SENP5: variants seen among roughly 807,000 people sequenced by gnomAD.
SENP5 encodes SUMO specific peptidase 5.
In SENP5, 21 loss-of-function variants were observed where a neutral mutation model predicts 74.2. The observed-to-expected ratio is 0.28, with a 90% CI of 0.20 to 0.41. SENP5 has a LOEUF of 0.41. Ranked by LOEUF, SENP5 falls within the 10% of genes least tolerant of loss-of-function variation. The pLI is 1.00. For missense variants in SENP5, 717 were observed against 889.1 expected, an observed-to-expected ratio of 0.81 and a Z score of 2.46; for synonymous variants, 311 against 312.7, an observed-to-expected ratio of 0.99 and a Z score of 0.06.
chr3:196,914,586 A>AAAAT, intron 6 of SENP5: 478 of 33,416 alleles, frequency 0.014, 9 homozygotes, highest in Middle Eastern at 0.018. Flanking sequence ...AAAAAAAAAA[A>AAAAT]ATATATATAT....
chr3:196,914,586 A>AAAAAAAAAAAATAT, intron 6 of SENP5: 1 of 33,500 alleles, frequency 3.0e-5, no homozygotes, highest in Non-Finnish European at 5.1e-5. Flanking sequence ...AAAAAAAAAA[A>AAAAAAAAAAAATAT]ATATATATAT....
At chr3:196,912,203 A>C (rs1198606249) in intron 6 of SENP5, among the ~76,000 whole-genome samples, 1 of 152,340 alleles carries the variant, frequency 6.6e-6, no homozygotes, top group Admixed American at 6.5e-5. Flanking sequence ...CTACATAAAG[A>C]GAATGTGGTA....
At chr3:196,889,684 A>G (rs1389094545) in intron 2 of SENP5, among the ~76,000 whole-genome samples, 2 of 152,212 alleles carry the variant, frequency 1.3e-5, no homozygotes, top group African/African-American at 4.8e-5. Context: ...GAAATTATGA[A>G]AAAATATTAA....
rs755899942 is a variant in SENP5, at chr3:196,885,856, A to C, written c.675A>C (p.Ile225=). ...TCCAACTTAACCAACATAGAAGGAT[A>C]AAATTATCTCCTCTTATGATGTATG... ...KKFQLNQHRR[I]KLSPLMMYEK... Residue 225 remains isoleucine, a synonymous_variant, in exon 2 of 10, where the codon ATA becomes ATC. Transcript: ENST00000323460. The C allele has an allele frequency of 6.2e-7, 1 of 1,614,098 alleles. No homozygotes were observed. The highest frequency in any genetic ancestry group is 8.5e-7 in the Non-Finnish European group (1 of 1,180,010).
chr3:196,918,235 A>G (rs1353531803), intron 6 of SENP5, among the ~76,000 whole-genome samples: 1 of 151,176 alleles, frequency 6.6e-6, no homozygotes, highest in Non-Finnish European at 1.5e-5. Context: ...TGAACCTGGG[A>G]GGCGGAGCTT....
chr3:196,890,838 C>T (rs1486558263), intron 2 of SENP5, among the ~76,000 whole-genome samples: 6 of 152,156 alleles, frequency 3.9e-5, no homozygotes, highest in Non-Finnish European at 7.3e-5. Flanking sequence ...TACACAAACT[C>T]ACACTAAATT....
intron 6 of SENP5, among the ~76,000 whole-genome samples, chr3:196,903,933 C>G (rs1714801267): frequency 6.6e-6 from 1 of 152,208 alleles, no homozygotes; most frequent in Admixed American, 6.5e-5. Flanking sequence ...CACCTGTTGT[C>G]CCAGCTACTT....
intron 6 of SENP5, among the ~76,000 whole-genome samples, chr3:196,922,584 G>T (rs1031375475): frequency 6.6e-6 from 1 of 152,094 alleles, no homozygotes; most frequent in African/African-American, 2.4e-5. Context: ...AAGTAGCTGG[G>T]ACTGCAGGCA....
intron 6 of SENP5, among the ~76,000 whole-genome samples, chr3:196,904,036 T>C (rs748359972): frequency 1.3e-5 from 2 of 152,232 alleles, no homozygotes; most frequent in Admixed American, 1.3e-4. Flanking sequence ...TGTTAACTGA[T>C]CCATCAGGAG....
chr3:196,886,663 GGAT>G lies in SENP5; in HGVS notation c.1488_1490del (p.Asp496del). ...AGAACAGTCAGAAAGCCTCTCCAGT[GGAT>G]GATGAACAGCTGTCAGTCTGTCTTT... On this transcript the variant is annotated inframe_deletion, in exon 2 of 10. Transcript: ENST00000323460. The G allele has an allele frequency of 6.3e-7, 1 of 1,581,896 alleles. No homozygotes were observed. Among genetic ancestry groups the G allele is most frequent in the Non-Finnish European group, 8.6e-7 (1 of 1,166,784 alleles).
rs1716166577 is a variant in SENP5, at chr3:196,934,414, G to C, written c.*3491G>C. ...ATTAATAGTGTGAATTAGATACACTGATGACCTGCTCTGCCTAGTTAAGAA... is the reference window on the plus strand; with the variant it reads ...ATTAATAGTGTGAATTAGATACACTCATGACCTGCTCTGCCTAGTTAAGAA... On this transcript the variant is annotated 3_prime_UTR_variant, in exon 10 of 10. Coordinates refer to ENST00000323460, the MANE Select transcript of SENP5 (RefSeq NM_152699.5). 6.6e-6 allele frequency: 1 copy of C among 152,228 alleles called. No individual in the cohort carries two copies. Among genetic ancestry groups the C allele is most frequent in the East Asian group, 1.9e-4 (1 of 5,202 alleles). 9.4% of individuals were successfully genotyped at this position (152,228 alleles called of 1,614,324 possible). A position where few individuals can be genotyped will look rare whatever the true frequency, so the allele number is the denominator to read the frequency against.
rs777239663 is a variant in SENP5 at position 196,930,875 on chromosome 3, G to A, written c.2220G>A (p.Val740=). 9 of 1,614,114 alleles carry A rather than the reference G, an allele frequency of 5.6e-6. No homozygotes were observed. Among genetic ancestry groups the A allele is most frequent in the South Asian group, 1.1e-5 (1 of 91,082 alleles). ...FQFSQEDMPR[V]RKRIYKELCE... is the part of the protein sequence containing the mutation. ...TTTCACAAGAAGACATGCCCCGAGT[G>A]CGGAAGAGGATTTACAAGGAGCTAT... is the stretch of plus-strand genomic sequence containing the variant. Residue 740 remains valine (V), a synonymous_variant, in exon 10 of 10, where the codon GTG becomes GTA. Coordinates refer to ENST00000323460, the MANE Select transcript of SENP5 (RefSeq NM_152699.5).
chr3:196,907,996 G>A (rs184883058), intron 6 of SENP5, among the ~76,000 whole-genome samples: 84 of 152,258 alleles, frequency 5.5e-4, no homozygotes, highest in African/African-American at 1.3e-3. Context: ...GAGGCTGGGC[G>A]CTGTGTCTCA....
intron 6 of SENP5, among the ~76,000 whole-genome samples, chr3:196,922,594 A>G (rs918026288): frequency 6.6e-6 from 1 of 152,016 alleles, no homozygotes; most frequent in African/African-American, 2.4e-5. Context: ...GACTGCAGGC[A>G]TGCACCACCA....
At chr3:196,878,502 C>T (rs1713578575) in intron 1 of SENP5, among the ~76,000 whole-genome samples, 1 of 152,066 alleles carries the variant, frequency 6.6e-6, no homozygotes, top group East Asian at 1.9e-4. Flanking sequence ...AGAATCTTGC[C>T]CCTTTCTGCT....
intron 1 of SENP5, among the ~76,000 whole-genome samples, chr3:196,873,069 C>CTTTTT (rs572160747): frequency 9.2e-6 from 1 of 108,388 alleles, no homozygotes; most frequent in Non-Finnish European, 1.8e-5. Flanking sequence ...TGAGATTTAA[C>CTTTTT]TTTTTTTTTT....
In SENP5 at chr3:196,931,117, G is replaced by T. The variant is rs1237009682; in HGVS notation, c.*194G>T. On this transcript the variant is annotated 3_prime_UTR_variant, in exon 10 of 10. Coordinates refer to ENST00000323460, the MANE Select transcript of SENP5 (RefSeq NM_152699.5). Reference sequence around the variant, plus strand: ...GTACTATTGTTTAATGTTCAGTTTGGTTTCATTTTTAATTTTATGGTTCTG... The same window carrying T: ...GTACTATTGTTTAATGTTCAGTTTGTTTTCATTTTTAATTTTATGGTTCTG... 2 of 542,488 alleles carry T rather than the reference G, an allele frequency of 3.7e-6. No homozygotes were observed. The highest frequency in any genetic ancestry group is 6.6e-6 in the Non-Finnish European group (2 of 303,914). The allele number at this position is 542,488 out of a possible 1,614,324, so 33.6% of individuals were successfully genotyped here.
At chr3:196,919,394 T>G (rs533101671) in intron 6 of SENP5, among the ~76,000 whole-genome samples, 1 of 152,292 alleles carries the variant, frequency 6.6e-6, no homozygotes, top group South Asian at 2.1e-4. Flanking sequence ...GGCAGAAGAA[T>G]CGCTTGAACC....
intron 2 of SENP5, among the ~76,000 whole-genome samples, chr3:196,895,192 T>A (rs1435150532): frequency 8.7e-5 from 2 of 23,026 alleles, no homozygotes; most frequent in Non-Finnish European, 4.3e-4. Context: ...TTTAACTTCT[T>A]TTTTTTTTTT....
Sources: gnomAD v4.1 joint callset for allele counts (sites outside exome capture counted in the v4.1 genomes callset) on GRCh38, gnomAD v4.1.1 for gene constraint, MANE v1.5 for transcripts, NCBI Gene and HGNC (gene_info 2026-07-23, HGNC 2026-07-21) for gene names.